Variants in GCN1 observed in about 807,000 individuals in gnomAD.
GCN1 encodes the protein GCN1 activator of EIF2AK4.
GCN1 carries 90 observed loss-of-function variants against 288.4 expected under a neutral mutation model. The observed-to-expected ratio is 0.31, with a 90% CI of 0.26 to 0.37. The LOEUF (loss-of-function observed/expected upper bound fraction) is 0.37. Among genes scored for constraint, GCN1 ranks in the 10% least tolerant of loss-of-function variants. The pLI is 1.00. For missense variants in GCN1, 2,586 were observed against 3,419.9 expected (o/e 0.76, Z 6.08); for synonymous variants, 1,386 against 1,420.2 (o/e 0.98, Z 0.54).
rs775093349 is a variant in GCN1 at position 120,190,451 on chromosome 12, G to C, written c.19-51C>G. On this transcript the variant is annotated intron_variant, in intron 1 of 57. Coordinates refer to ENST00000300648, the MANE Select transcript of GCN1 (RefSeq NM_006836.2). The stretch of plus-strand genomic sequence containing the variant: ...TTCACTAGTCAGACTATAAAACTAT[G>C]AGTGTGTGTGTTGAGGGGTGGGTGT... 1.2e-5 allele frequency: 12 copies of C among 971,914 alleles called. No homozygotes were observed. In the South Asian group the frequency reaches 1.5e-4, roughly 12 times the overall value. The allele number at this position is 971,914 out of a possible 1,614,324, so 60.2% of individuals were successfully genotyped here.
At chr12:120,139,155 C>T (rs1403175073) in intron 45 of GCN1, among the ~76,000 whole-genome samples, 2 of 151,710 alleles carry the variant, frequency 1.3e-5, no homozygotes, top group Non-Finnish European at 2.9e-5. Context: ...ACTAAAAATA[C>T]AAAAATTAGC....
At chr12:120,143,495 T>C (rs1471215727) in intron 42 of GCN1, among the ~76,000 whole-genome samples, 3 of 151,888 alleles carry the variant, frequency 2.0e-5, no homozygotes, top group African/African-American at 4.8e-5. Flanking sequence ...GGCAGGAGAA[T>C]TGCTTGAACC....
At chr12:120,146,103 C>T (rs1877352240) in intron 38 of GCN1, among the ~76,000 whole-genome samples, 1 of 151,838 alleles carries the variant, frequency 6.6e-6, no homozygotes. Flanking sequence ...CCTGTCTCTA[C>T]TAAAAATACA....
chr12:120,153,229 G>A lies in GCN1; in HGVS notation c.4046C>T (p.Ser1349Phe). ...PIVAKLIAAL[S>F]TPSQQVQESV... ...GGCAGGTACCTGCTGGGAGGGGGTG[G>A]AGAGGGCAGCGATGAGCTTGGCAAC... Residue 1349 changes from serine (S) to phenylalanine (F), a missense_variant, in exon 33 of 58, where the codon TCC becomes TTC. Around this residue, in one of 8 missense-constraint regions of GCN1, gnomAD observed 332 missense variants for 403.0 expected, o/e 0.82. Coordinates refer to ENST00000300648, the MANE Select transcript of GCN1 (RefSeq NM_006836.2). This position sits in a 1 kb window ranked among gnomAD's most constrained non-coding sequence, Gnocchi z 4.4. 2 of 1,614,088 alleles carry A rather than the reference G, an allele frequency of 1.2e-6. No homozygotes were observed. Among genetic ancestry groups the A allele is most frequent in the East Asian group, 4.5e-5 (2 of 44,882 alleles).
At chr12:120,186,475 G>C (rs1344973602) in intron 2 of GCN1, among the ~76,000 whole-genome samples, 3 of 152,220 alleles carry the variant, frequency 2.0e-5, no homozygotes, top group Non-Finnish European at 4.4e-5. Context: ...AGCTTCTGAG[G>C]AGGAGGAAAT....
Position 120,158,561 on chromosome 12 carries a change from T to C in GCN1, c.2804A>G (p.Asp935Gly), listed in dbSNP as rs1877826675. The change falls in exon 25 of 58, where the codon GAT becomes GGT. Residue 935 changes from aspartate (D) to glycine (G), a missense_variant. By Grantham distance (94) the Asp-to-Gly change is moderately conservative. This residue lies in a region of GCN1 where 153 missense variants were observed against 252.0 expected (regional missense o/e 0.61). Coordinates refer to ENST00000300648, the MANE Select transcript of GCN1 (RefSeq NM_006836.2). This position sits in a 1 kb window ranked among gnomAD's most constrained non-coding sequence, Gnocchi z 4.3. Reference sequence around the variant, plus strand: ...CAGCTCTTCCTGGCACCAGGACTTATCCAGGACACACTCTGGCTTCAGCAG... The same window carrying C: ...CAGCTCTTCCTGGCACCAGGACTTACCCAGGACACACTCTGGCTTCAGCAG... ...LRLLKPECVL[D>G]KSWCQEELSV... is the part of the protein sequence containing the mutation. The C allele has an allele frequency of 1.2e-6, 2 of 1,606,080 alleles. No individual in the cohort carries two copies. Among genetic ancestry groups the C allele is most frequent in the Non-Finnish European group, 1.7e-6 (2 of 1,176,244 alleles).
chr12:120,163,651 A>G (rs920923532), intron 18 of GCN1, among the ~76,000 whole-genome samples: 6 of 151,248 alleles, frequency 4.0e-5, no homozygotes, highest in African/African-American at 1.2e-4. Flanking sequence ...GTCGGGGGAG[A>G]CCCTGTGCAA....
intron 9 of GCN1, among the ~76,000 whole-genome samples, chr12:120,177,055 C>T (rs996975653): frequency 1.1e-4 from 16 of 152,210 alleles, no homozygotes; most frequent in South Asian, 4.2e-4. Flanking sequence ...CATGAGCCAC[C>T]GCGCCTGGCC....
At chr12:120,147,352 G>C in intron 37 of GCN1, 80 bp from the exon 38 acceptor site, 1 of 675,268 alleles carries the variant, frequency 1.5e-6, no homozygotes, top group South Asian at 2.8e-5. Context: ...AACTAGAATG[G>C]ATCAGAAGAG....
chr12:120,179,155 G>A (rs1878571774), intron 5 of GCN1, among the ~76,000 whole-genome samples: 1 of 152,042 alleles, frequency 6.6e-6, no homozygotes, highest in Non-Finnish European at 1.5e-5. Context: ...TCCCACTAGT[G>A]TTCGTTTAAT....
Position 120,161,545 on chromosome 12 carries a change from C to T in GCN1, c.2381G>A (p.Arg794Gln), listed in dbSNP as rs1336777642. ...QDSIKKANMK[R>Q]ENKAYSFKEQ... ...TTTGAAGGAATAAGCTTTGTTCTCT[C>T]GCTTCATGTTGGCCTTTTTTATGCT... The change falls in exon 22 of 58, where the codon CGA becomes CAA. Residue 794 changes from arginine to glutamine, a missense_variant. By Grantham distance (43) the Arg-to-Gln change is conservative. Transcript: ENST00000300648. The T allele has an allele frequency of 1.2e-6, 2 of 1,613,966 alleles. No homozygotes were observed.
At chr12:120,127,995 G>A (rs1465348938) in intron 57 of GCN1, 21 bp from the exon 58 acceptor site, 1 of 1,613,580 alleles carries the variant, frequency 6.2e-7, no homozygotes, top group Admixed American at 1.7e-5. Context: ...GGATGAGCAG[G>A]AGGAAACATA....
At chr12:120,152,273 C>T (rs1877581640) in intron 33 of GCN1, among the ~76,000 whole-genome samples, 1 of 151,782 alleles carries the variant, frequency 6.6e-6, no homozygotes, top group Non-Finnish European at 1.5e-5. Flanking sequence ...AAGCAATCCT[C>T]CCACCTCAGC....
At chr12:120,175,310 T>G (rs1878446053) in intron 11 of GCN1, 98 bp from the exon 12 acceptor site, 2 of 1,123,510 alleles carry the variant, frequency 1.8e-6, no homozygotes, top group African/African-American at 1.5e-5. Flanking sequence ...ATACGGTTTC[T>G]GATTCCAGAA....
Position 120,155,203 on chromosome 12 carries a change from C to T in GCN1, c.3630+38G>A, listed in dbSNP as rs750199228. ...GTGAGCAGAGACCCACCCAACCGCA[C>T]ACACCCAGACTGCATCAGGGCTGCA... On this transcript the variant is annotated intron_variant, in intron 30 of 57. Coordinates refer to ENST00000300648, the MANE Select transcript of GCN1 (RefSeq NM_006836.2). The surrounding 1 kb of genome is among the most constrained non-coding windows in gnomAD (Gnocchi z 4.9). 8.1e-6 allele frequency: 13 copies of T among 1,600,572 alleles called. No individual in the cohort carries two copies. Among genetic ancestry groups the T allele is most frequent in the African/African-American group, 1.3e-5 (1 of 74,684 alleles).
chr12:120,168,009 A>G (rs2139122801), intron 16 of GCN1, among the ~76,000 whole-genome samples, 199 bp downstream of exon 16: 1 of 151,854 alleles, frequency 6.6e-6, no homozygotes, highest in South Asian at 2.1e-4. Flanking sequence ...GTCTCCACAC[A>G]TCTCCCAAGT....
rs1876735107 is a variant in GCN1, at chr12:120,129,366, G to A, written c.7800C>T (p.Asn2600=). 1 of 1,613,986 alleles carries A rather than the reference G, an allele frequency of 6.2e-7. No individual in the cohort carries two copies. Among genetic ancestry groups the A allele is most frequent in the South Asian group, 1.1e-5 (1 of 91,088 alleles). The part of the protein sequence containing the change: ...IKPILKALLD[N]TKDKNTVVRA... ...TGACCACGGTGTTCTTATCCTTGGTGTTGTCAAGAAGAGCCTTCAGGATGG... is the reference window on the plus strand; with the variant it reads ...TGACCACGGTGTTCTTATCCTTGGTATTGTCAAGAAGAGCCTTCAGGATGG... The change falls in exon 57 of 58, where the codon AAC becomes AAT. Residue 2600 remains asparagine (N), a synonymous_variant. Coordinates refer to ENST00000300648, the MANE Select transcript of GCN1 (RefSeq NM_006836.2).
In GCN1 at chr12:120,144,502, C is replaced by CA. The variant is rs1877299907; in HGVS notation, c.5353-55dup. The CA allele has an allele frequency of 1.3e-6, 2 of 1,584,984 alleles. No homozygotes were observed. Among genetic ancestry groups the CA allele is most frequent in the Admixed American group, 1.8e-5 (1 of 55,252 alleles). ...AGCTGCCACCCCCAGGCCCCCAGCC[C>CA]AAAAAACATGGGGCTCACTGAAGGC... On this transcript the variant is annotated intron_variant, in intron 41 of 57. Transcript: ENST00000300648. This position sits in a 1 kb window ranked among gnomAD's most constrained non-coding sequence, Gnocchi z 4.7.
chr12:120,163,352 C>T (rs1214027120), intron 18 of GCN1, 93 bp from the exon 19 acceptor site: 1 of 991,904 alleles, frequency 1.0e-6, no homozygotes, highest in East Asian at 2.5e-5. Context: ...CGGCCCCTCA[C>T]TCAGTTCTTC....
Sources: allele counts gnomAD v4.1 joint callset (sites outside exome capture counted in the v4.1 genomes callset), GRCh38; gene constraint gnomAD v4.1.1; regional missense constraint gnomAD v4.1.1; non-coding constraint Gnocchi (gnomAD v3.1); transcripts MANE v1.5; gene names NCBI Gene and HGNC (gene_info 2026-07-23, HGNC 2026-07-21).